The following PTPRN2 variants were observed in gnomAD, a reference collection of about 807,000 sequenced individuals.
The protein encoded by PTPRN2 is protein tyrosine phosphatase receptor type N2.
In PTPRN2, 74 loss-of-function variants were observed where a neutral mutation model predicts 118.8. The observed-to-expected ratio is 0.62, with a 90% CI of 0.52 to 0.76. The LOEUF is 0.76. Ranked by LOEUF, PTPRN2 falls within the 30% of genes least tolerant of loss-of-function variation. PTPRN2 has a pLI of 0.00. For synonymous variants in PTPRN2, 641 were observed against 608.0 expected (o/e 1.05, Z -0.80); for missense variants, 1,481 against 1,394.4 (o/e 1.06, Z -0.99).
intron 3 of PTPRN2, among the ~76,000 whole-genome samples, chr7:158,218,301 G>GA (rs1585880450): frequency 6.6e-6 from 1 of 151,786 alleles, no homozygotes; most frequent in South Asian, 2.1e-4. Context: ...CATCCTTAAA[G>GA]AAAAAAAATT....
chr7:157,621,745 G>A (rs879562908), intron 14 of PTPRN2, among the ~76,000 whole-genome samples: 7 of 152,006 alleles, frequency 4.6e-5, no homozygotes, highest in Admixed American at 6.6e-5. Context: ...TATAAACTCC[G>A]GTGTTTGGGA....
At chr7:157,774,926 CTCT>C (rs1340329278) in intron 12 of PTPRN2, among the ~76,000 whole-genome samples, 2 of 152,192 alleles carry the variant, frequency 1.3e-5, no homozygotes, top group Non-Finnish European at 2.9e-5. Context: ...GGAACATGGT[CTCT>C]TCTTCTGCTA....
intron 10 of PTPRN2, among the ~76,000 whole-genome samples, chr7:158,110,381 T>C (rs796732780): frequency 5.9e-5 from 9 of 152,296 alleles, no homozygotes; most frequent in African/African-American, 2.2e-4. Flanking sequence ...TGGCCATGCC[T>C]GCCATGGAAG....
chr7:157,541,705 G>C (rs1010268471), intron 22 of PTPRN2, among the ~76,000 whole-genome samples: 3 of 152,226 alleles, frequency 2.0e-5, no homozygotes, highest in Admixed American at 1.3e-4. Flanking sequence ...GGAAAGCCCT[G>C]TTGACAGCTC....
chr7:158,350,100 G>A (rs969426935), intron 2 of PTPRN2, among the ~76,000 whole-genome samples: 3 of 152,178 alleles, frequency 2.0e-5, no homozygotes, highest in Non-Finnish European at 2.9e-5. Context: ...GCACCAAGAT[G>A]TATGGGATCT....
At chr7:158,255,960 C>T (rs1206896522) in intron 3 of PTPRN2, among the ~76,000 whole-genome samples, 1 of 152,212 alleles carries the variant, frequency 6.6e-6, no homozygotes, top group Non-Finnish European at 1.5e-5. Flanking sequence ...CTACCTCTGT[C>T]CTCAGACTTA....
chr7:157,775,934 C>G (rs952901769), intron 12 of PTPRN2, among the ~76,000 whole-genome samples: 1 of 151,946 alleles, frequency 6.6e-6, no homozygotes, highest in Admixed American at 6.5e-5. Context: ...GTGAGGAGAC[C>G]GCCGCAAAAT....
intron 2 of PTPRN2, among the ~76,000 whole-genome samples, chr7:158,437,858 T>A (rs1418186626): frequency 1.3e-5 from 2 of 152,212 alleles, no homozygotes; most frequent in African/African-American, 4.8e-5. Flanking sequence ...TACTTTCTCT[T>A]TGGGATCCAG....
intron 12 of PTPRN2, among the ~76,000 whole-genome samples, chr7:157,692,631 G>T (rs1797562852): frequency 6.6e-6 from 1 of 152,228 alleles, no homozygotes; most frequent in South Asian, 2.1e-4. Context: ...CCAGGGCAAA[G>T]AAGTGGCCTC....
At chr7:158,084,887 T>C (rs1585382757) in intron 10 of PTPRN2, among the ~76,000 whole-genome samples, 1 of 128,634 alleles carries the variant, frequency 7.8e-6, no homozygotes, top group South Asian at 2.6e-4. Flanking sequence ...ATGATGCCCA[T>C]CCACATCCTC....
intron 17 of PTPRN2, among the ~76,000 whole-genome samples, chr7:157,584,552 C>T (rs1055577750): frequency 5.9e-5 from 9 of 152,230 alleles, no homozygotes; most frequent in African/African-American, 1.7e-4. Context: ...AACTGCATCC[C>T]GCTGAAGCGG....
At chr7:158,377,478 G>A (rs918420137) in intron 2 of PTPRN2, among the ~76,000 whole-genome samples, 2 of 152,296 alleles carry the variant, frequency 1.3e-5, no homozygotes, top group South Asian at 4.1e-4. Context: ...TAAGAAAAGG[G>A]GACCCCACTT....
At chr7:158,167,978 G>T (rs569804363) in intron 5 of PTPRN2, among the ~76,000 whole-genome samples, 22 of 152,282 alleles carry the variant, frequency 1.4e-4, no homozygotes, top group Non-Finnish European at 2.8e-4. Flanking sequence ...TCATTTATGA[G>T]TCTGTGTATC....
At chr7:157,982,983 C>T (rs1180189322) in intron 11 of PTPRN2, among the ~76,000 whole-genome samples, 74 of 35,838 alleles carry the variant, frequency 2.1e-3, no homozygotes, top group Non-Finnish European at 3.6e-3. Flanking sequence ...CAGGGTCCCC[C>T]CCAAACCCCG....
chr7:157,798,444 C>T (rs562436746), intron 12 of PTPRN2, among the ~76,000 whole-genome samples: 25 of 152,104 alleles, frequency 1.6e-4, no homozygotes, highest in African/African-American at 5.3e-4. Context: ...CAGTAACAGA[C>T]CGGCCATTTC....
chr7:158,144,629 A>AGAAGGG (rs565018499), intron 6 of PTPRN2, among the ~76,000 whole-genome samples: 3 of 152,206 alleles, frequency 2.0e-5, no homozygotes, highest in African/African-American at 4.8e-5. Context: ...ATAGAGCGAG[A>AGAAGGG]GAAGGGGAAG....
intron 6 of PTPRN2, among the ~76,000 whole-genome samples, chr7:158,165,696 T>C (rs1822902658): frequency 6.6e-6 from 1 of 152,228 alleles, no homozygotes; most frequent in African/African-American, 2.4e-5. Context: ...GTATTTGTTA[T>C]CTCCAAAAGG....
chr7:158,082,749 G>C (rs938948824), intron 10 of PTPRN2, among the ~76,000 whole-genome samples: 1 of 152,214 alleles, frequency 6.6e-6, no homozygotes, highest in Admixed American at 6.5e-5. Flanking sequence ...CTGCCTCTTG[G>C]TTCCCACTGT....
intron 14 of PTPRN2, among the ~76,000 whole-genome samples, chr7:157,633,486 T>C (rs1339008046): frequency 6.6e-6 from 1 of 152,204 alleles, no homozygotes; most frequent in Non-Finnish European, 1.5e-5. Context: ...TGCAAGTAGA[T>C]AAACACAGCT....
Sources: allele counts gnomAD v4.1 joint callset (sites outside exome capture counted in the v4.1 genomes callset), GRCh38; gene constraint gnomAD v4.1.1; transcripts MANE v1.5; gene names NCBI Gene and HGNC (gene_info 2026-07-23, HGNC 2026-07-21).